CSMD3: variants seen among roughly 807,000 people sequenced by gnomAD.
CSMD3 encodes the protein CUB and Sushi multiple domains 3.
CSMD3 carries 177 observed loss-of-function variants against 435.2 expected under a neutral mutation model. That is an observed-to-expected ratio of 0.41 (90% CI 0.36 to 0.46). The LOEUF (loss-of-function observed/expected upper bound fraction) is 0.46. CSMD3 is among the 20% of genes least tolerant of loss of function. CSMD3 has a pLI of 0.34. For missense variants in CSMD3, 4,265 were observed against 4,504.6 expected (o/e 0.95, Z 1.52); for synonymous variants, 1,656 against 1,520.5 (o/e 1.09, Z -2.07).
chr8:113,021,436 A>G (rs1480920371), intron 5 of CSMD3, among the ~76,000 whole-genome samples: 1 of 152,192 alleles, frequency 6.6e-6, no homozygotes, highest in Non-Finnish European at 1.5e-5. Context: ...ATTTCGATGA[A>G]CATGAATATC....
intron 32 of CSMD3, among the ~76,000 whole-genome samples, chr8:112,449,795 T>G (rs2130583882): frequency 6.6e-6 from 1 of 152,310 alleles, no homozygotes; most frequent in Admixed American, 6.5e-5. Flanking sequence ...CGATCTCGGC[T>G]CACTGCATCC....
chr8:113,380,649 C>A (rs2094411050), intron 1 of CSMD3, among the ~76,000 whole-genome samples: 1 of 152,116 alleles, frequency 6.6e-6, no homozygotes, highest in African/African-American at 2.4e-5. Flanking sequence ...TGAACAATAA[C>A]CTTCCATAAT....
chr8:113,073,202 T>C (rs570909470), intron 5 of CSMD3, among the ~76,000 whole-genome samples: 51 of 151,468 alleles, frequency 3.4e-4, no homozygotes, highest in Non-Finnish European at 6.7e-4. Flanking sequence ...CTTTTAGAGA[T>C]TTTACAATTT....
chr8:112,643,908 C>T (rs553810225), intron 20 of CSMD3, among the ~76,000 whole-genome samples: 33 of 151,936 alleles, frequency 2.2e-4, no homozygotes, highest in Non-Finnish European at 4.3e-4. Flanking sequence ...TTTCTGAAAA[C>T]GCAAATTTAA....
At chr8:112,682,666 C>A (rs371436373) in intron 15 of CSMD3, 30 bp from the exon 16 acceptor site, 2 of 1,416,108 alleles carry the variant, frequency 1.4e-6, no homozygotes, top group African/African-American at 2.8e-5. Flanking sequence ...GAAAAATACA[C>A]AAACAAACAA....
intron 6 of CSMD3, among the ~76,000 whole-genome samples, chr8:112,983,733 T>C (rs1353584340): frequency 6.6e-6 from 1 of 151,874 alleles, no homozygotes; most frequent in Non-Finnish European, 1.5e-5. Context: ...AGTTGATATC[T>C]GATCCATATG....
chr8:113,064,027 T>C (rs1446464093), intron 5 of CSMD3, among the ~76,000 whole-genome samples: 2 of 151,554 alleles, frequency 1.3e-5, no homozygotes, highest in Non-Finnish European at 3.0e-5. Context: ...CCTTTAATAA[T>C]ATATTAAAGG....
chr8:113,337,055 T>C (rs2094081322), intron 1 of CSMD3, among the ~76,000 whole-genome samples: 1 of 152,132 alleles, frequency 6.6e-6, no homozygotes. Flanking sequence ...GTTTCCATTT[T>C]CTTGGTCCTT....
At chr8:113,081,478 T>G (rs1285638669) in intron 5 of CSMD3, among the ~76,000 whole-genome samples, 2 of 152,104 alleles carry the variant, frequency 1.3e-5, no homozygotes, top group Non-Finnish European at 2.9e-5. Context: ...ATTCCCACAA[T>G]ATACACCTGC....
intron 2 of CSMD3, among the ~76,000 whole-genome samples, chr8:113,297,647 A>C (rs1306470588): frequency 6.6e-6 from 1 of 152,128 alleles, no homozygotes; most frequent in African/African-American, 2.4e-5. Context: ...TATGTTAAGT[A>C]TCAGACATAC....
chr8:113,279,470 A>C (rs2093596284), intron 2 of CSMD3, among the ~76,000 whole-genome samples: 1 of 151,644 alleles, frequency 6.6e-6, no homozygotes, highest in African/African-American at 2.4e-5. Context: ...CAGTTGTATT[A>C]AATAATATTT....
At chr8:112,572,420 C>T (rs1829604874) in intron 24 of CSMD3, among the ~76,000 whole-genome samples, 1 of 151,984 alleles carries the variant, frequency 6.6e-6, no homozygotes, top group Non-Finnish European at 1.5e-5. Context: ...TACAATGAGT[C>T]ATTGTATTCT....
chr8:113,309,605 T>C (rs2093851552), intron 2 of CSMD3: 1 of 152,254 alleles, frequency 6.6e-6, no homozygotes, highest in Non-Finnish European at 1.5e-5. Context: ...TGGACGTTTA[T>C]ATAACTCAGG....
chr8:112,948,004 C>A (rs2083675789), intron 8 of CSMD3, 127 bp from the exon 9 acceptor site: 2 of 574,976 alleles, frequency 3.5e-6, no homozygotes, highest in Admixed American at 5.8e-5. Flanking sequence ...GTCATTTAAG[C>A]ATTTGTTAAA....
chr8:112,385,862 T>C (rs17640016), intron 36 of CSMD3, among the ~76,000 whole-genome samples: 1 of 152,058 alleles, frequency 6.6e-6, no homozygotes, highest in Non-Finnish European at 1.5e-5. Context: ...TACTTCTGGA[T>C]ACATGTGTCT....
intron 13 of CSMD3, among the ~76,000 whole-genome samples, chr8:112,761,931 A>C (rs1221933979): frequency 6.6e-6 from 1 of 152,060 alleles, no homozygotes; most frequent in Non-Finnish European, 1.5e-5. Context: ...TGAATGTTTT[A>C]GTTCACAAAG....
intron 10 of CSMD3, among the ~76,000 whole-genome samples, chr8:112,917,526 G>A (rs569667410): frequency 6.6e-6 from 1 of 151,712 alleles, no homozygotes; most frequent in Admixed American, 6.6e-5. Flanking sequence ...TTGCTTAAAG[G>A]CAAATCATGG....
chr8:113,356,699 C>G (rs1323781175), intron 1 of CSMD3, among the ~76,000 whole-genome samples: 1 of 152,030 alleles, frequency 6.6e-6, no homozygotes, highest in Non-Finnish European at 1.5e-5. Context: ...CTAAAGGGTA[C>G]TACGTTTTAT....
intron 3 of CSMD3, among the ~76,000 whole-genome samples, chr8:113,195,792 T>TATATATATATAA (rs2092646046): frequency 2.8e-5 from 1 of 35,220 alleles, no homozygotes; most frequent in African/African-American, 1.5e-4. Context: ...TCCTATATTT[T>TATATATATATAA]ATATATATAT....
Sources: allele counts gnomAD v4.1 joint callset (sites outside exome capture counted in the v4.1 genomes callset), GRCh38; gene constraint gnomAD v4.1.1; transcripts MANE v1.5; gene names NCBI Gene and HGNC (gene_info 2026-07-23, HGNC 2026-07-21).